UNC5C: variants seen among roughly 807,000 people sequenced by gnomAD.
The protein encoded by UNC5C is netrin receptor UNC5C.
Under a neutral mutation model 99.8 loss-of-function variants are expected in UNC5C, and 47 were observed. That is an observed-to-expected ratio of 0.47 (90% CI 0.37 to 0.60). The LOEUF (loss-of-function observed/expected upper bound fraction) is 0.60. UNC5C is among the 20% of genes least tolerant of loss of function. UNC5C has a pLI of 0.00. For synonymous variants in UNC5C, 487 were observed against 452.2 expected (o/e 1.08, Z -0.98); for missense variants, 1,062 against 1,165.9 (o/e 0.91, Z 1.30).
intron 1 of UNC5C, among the ~76,000 whole-genome samples, chr4:95,436,464 C>A (rs1411097523): frequency 6.6e-6 from 1 of 151,916 alleles, no homozygotes; most frequent in Non-Finnish European, 1.5e-5. Flanking sequence ...AAATATTACA[C>A]TGTGAGCTGT....
chr4:95,495,047 T>C (rs1721595359), intron 1 of UNC5C, among the ~76,000 whole-genome samples: 1 of 151,630 alleles, frequency 6.6e-6, no homozygotes, highest in East Asian at 1.9e-4. Context: ...TAGGCATTTC[T>C]AATTATTTTA....
intron 2 of UNC5C, among the ~76,000 whole-genome samples, chr4:95,331,662 A>T (rs1407601548): frequency 6.6e-6 from 1 of 152,126 alleles, no homozygotes; most frequent in Non-Finnish European, 1.5e-5. Flanking sequence ...AAACATGCAA[A>T]CTATTTTAGT....
intron 1 of UNC5C, among the ~76,000 whole-genome samples, chr4:95,474,282 T>C (rs1748062994): frequency 6.6e-6 from 1 of 152,048 alleles, no homozygotes; most frequent in African/African-American, 2.4e-5. Flanking sequence ...TTATACATTG[T>C]CATACATGTA....
intron 1 of UNC5C, among the ~76,000 whole-genome samples, chr4:95,529,359 A>T (rs1046724125): frequency 6.8e-6 from 1 of 147,112 alleles, no homozygotes; most frequent in Non-Finnish European, 1.5e-5. Context: ...TATATATATT[A>T]TATATATACA....
intron 1 of UNC5C, among the ~76,000 whole-genome samples, chr4:95,483,938 C>T (rs1721250717): frequency 6.6e-6 from 1 of 151,856 alleles, no homozygotes; most frequent in Admixed American, 6.6e-5. Flanking sequence ...TTCATTCATT[C>T]ATTCATATTC....
intron 7 of UNC5C, among the ~76,000 whole-genome samples, chr4:95,223,185 G>GA (rs1560740306): frequency 6.6e-6 from 1 of 152,092 alleles, no homozygotes; most frequent in Non-Finnish European, 1.5e-5. Flanking sequence ...TTTTTGAAAT[G>GA]AAAAACCTAT....
In UNC5C at chr4:95,350,220, G is replaced by T. The variant is rs560561879; in HGVS notation, c.125-14589C>A. 9.1e-4 allele frequency among the ~76,000 whole-genome samples: 138 copies of T among 152,220 alleles called. 1 individual carries two copies. Among genetic ancestry groups the T allele is most frequent in the African/African-American group, 3.2e-3 (132 of 41,554 alleles). On this transcript the variant is annotated intron_variant, in intron 1 of 15. Transcript: ENST00000453304. The stretch of plus-strand genomic sequence containing the variant: ...GAAAAAGTTCCGGCTGGGCGCGATG[G>T]TTCACGCCTGTAATTCCAGCACTTT...
chr4:95,532,030 T>A (rs916378100), intron 1 of UNC5C, among the ~76,000 whole-genome samples: 4 of 152,240 alleles, frequency 2.6e-5, no homozygotes, highest in African/African-American at 9.6e-5. Flanking sequence ...TTCCCAATTC[T>A]GTCTTTAGGT....
intron 1 of UNC5C, among the ~76,000 whole-genome samples, chr4:95,367,205 A>C (rs1460720603): frequency 9.8e-6 from 1 of 102,376 alleles, no homozygotes; most frequent in African/African-American, 3.7e-5. Flanking sequence ...TTTTTTTTTC[A>C]AAGAAAAATC....
At chr4:95,225,514 A>C (rs1300830050) in intron 7 of UNC5C, among the ~76,000 whole-genome samples, 1 of 152,170 alleles carries the variant, frequency 6.6e-6, no homozygotes, top group East Asian at 1.9e-4. Context: ...GGCTTGGGAG[A>C]TATCTGTCAA....
At chr4:95,251,483 A>G (rs1230571126) in intron 4 of UNC5C, among the ~76,000 whole-genome samples, 1 of 152,226 alleles carries the variant, frequency 6.6e-6, no homozygotes. Flanking sequence ...ATGTAGTAAT[A>G]GTGATGTTAT....
At chr4:95,545,553 A>T (rs1045033752) in intron 1 of UNC5C, among the ~76,000 whole-genome samples, 37 of 136,014 alleles carry the variant, frequency 2.7e-4, no homozygotes, top group South Asian at 6.6e-4. Context: ...TATGTTATTT[A>T]AAAAAAAAAA....
At chr4:95,328,040 CTTTTTT>C (rs34794058) in intron 2 of UNC5C, among the ~76,000 whole-genome samples, 60 of 87,092 alleles carry the variant, frequency 6.9e-4, no homozygotes, top group Non-Finnish European at 1.0e-3. Flanking sequence ...CAGGCAACTT[CTTTTTT>C]TTTTTTTTTT....
intron 10 of UNC5C, among the ~76,000 whole-genome samples, chr4:95,211,726 C>T (rs1489852927): frequency 6.6e-6 from 1 of 152,178 alleles, no homozygotes; most frequent in Non-Finnish European, 1.5e-5. Flanking sequence ...CCTACTTTAT[C>T]TTATCTTTTA....
intron 1 of UNC5C, among the ~76,000 whole-genome samples, chr4:95,484,404 T>C (rs1019029796): frequency 6.6e-6 from 1 of 151,834 alleles, no homozygotes; most frequent in African/African-American, 2.4e-5. Flanking sequence ...AGTATCCTGT[T>C]CCCATTTCTG....
At chr4:95,190,265 T>C (rs1737018743) in intron 12 of UNC5C, among the ~76,000 whole-genome samples, 1 of 145,596 alleles carries the variant, frequency 6.9e-6, no homozygotes, top group African/African-American at 2.6e-5. Context: ...CCACATGTTC[T>C]CACTCATAGG....
At chr4:95,198,007 A>AGAT (rs1737501909) in intron 12 of UNC5C, among the ~76,000 whole-genome samples, 1 of 122,730 alleles carries the variant, frequency 8.1e-6, no homozygotes, top group Non-Finnish European at 1.6e-5. Context: ...TTTTTTTAAG[A>AGAT]GATGGGGTCT....
rs1413534766 is a variant in UNC5C, at chr4:95,499,045, A to T, written c.124+49689T>A. On this transcript the variant is annotated intron_variant, in intron 1 of 15. Transcript: ENST00000453304. ...ACATGGAAGAAAACTAAAGCTTTAC[A>T]GGAGACCTGATGAAATGCAGACTCA... Among the ~76,000 whole-genome samples, 3 of 152,224 alleles carry T rather than the reference A, an allele frequency of 2.0e-5. No individual in the cohort carries two copies. The East Asian group carries it at 5.8e-4, about 29-fold the overall frequency.
At chr4:95,401,825 T>A (rs955143254) in intron 1 of UNC5C, among the ~76,000 whole-genome samples, 1 of 152,152 alleles carries the variant, frequency 6.6e-6, no homozygotes, top group Non-Finnish European at 1.5e-5. Context: ...AATATTTTAT[T>A]CACCTTTGTA....
Sources: gnomAD v4.1 joint callset for allele counts (sites outside exome capture counted in the v4.1 genomes callset) on GRCh38, gnomAD v4.1.1 for gene constraint, MANE v1.5 for transcripts, NCBI Gene and HGNC (gene_info 2026-07-23, HGNC 2026-07-21) for gene names.